DPF3: variants seen among roughly 807,000 people sequenced by gnomAD.
The protein encoded by DPF3 is double PHD fingers 3, also known as zinc finger protein DPF3.
Under a neutral mutation model 56.8 loss-of-function variants are expected in DPF3, and 18 were observed. The ratio of observed to expected loss-of-function variants is 0.32; its 90% CI spans 0.22 to 0.47. The LOEUF (loss-of-function observed/expected upper bound fraction) is 0.47, where lower values mean the gene tolerates loss of function less well. Ranked by LOEUF, DPF3 falls within the 20% of genes least tolerant of loss-of-function variation. The pLI is 1.00. For missense variants in DPF3, 403 were observed against 488.8 expected (o/e 0.82, Z 1.65); for synonymous variants, 188 against 180.2 (o/e 1.04, Z -0.35).
At chr14:72,722,620 G>A (rs1013276307) in intron 5 of DPF3, among the ~76,000 whole-genome samples, 3 of 152,200 alleles carry the variant, frequency 2.0e-5, no homozygotes, top group Non-Finnish European at 2.9e-5. Context: ...GTGCTTATCC[G>A]TGGGAGGGGT....
chr14:72,876,095 G>A (rs1886102115), intron 1 of DPF3, among the ~76,000 whole-genome samples: 1 of 152,258 alleles, frequency 6.6e-6, no homozygotes, highest in South Asian at 2.1e-4. Context: ...GAGGATTAAA[G>A]TACAGAAAGG....
intron 1 of DPF3, among the ~76,000 whole-genome samples, chr14:72,881,170 T>C (rs758959227): frequency 3.9e-5 from 6 of 152,352 alleles, no homozygotes; most frequent in Admixed American, 6.5e-5. Flanking sequence ...AGCAGGATGA[T>C]AGACCTCAAA....
In DPF3 at chr14:72,683,281, C is replaced by T. The variant is rs370920321; in HGVS notation, c.743-8913G>A. On this transcript the variant is annotated intron_variant, in intron 7 of 10. Coordinates refer to ENST00000556509, the MANE Select transcript of DPF3 (RefSeq NM_001280542.3). ...GGTGGAGGTTGCAGTGAGCCGAGAT[C>T]GCACCACTGCACTCCAGCCTGGGTG... Among the ~76,000 whole-genome samples, 26 of 147,732 alleles carry T rather than the reference C, an allele frequency of 1.8e-4. No individual in the cohort carries two copies. The South Asian group carries it at 2.8e-3, about 16-fold the overall frequency.
At chr14:72,668,193 C>A (rs1886518173) in intron 8 of DPF3, among the ~76,000 whole-genome samples, 12 of 152,184 alleles carry the variant, frequency 7.9e-5, no homozygotes, top group Admixed American at 7.9e-4. Context: ...TCATCCGACA[C>A]CTTCTCTCTC....
intron 5 of DPF3, among the ~76,000 whole-genome samples, chr14:72,714,959 T>C (rs1599379297): frequency 1.3e-5 from 2 of 152,196 alleles, no homozygotes; most frequent in African/African-American, 2.4e-5. Flanking sequence ...GCAGACCAGC[T>C]GATGCACGTA....
chr14:72,795,262 C>G (rs1215781257), intron 1 of DPF3, among the ~76,000 whole-genome samples: 1 of 120,916 alleles, frequency 8.3e-6, no homozygotes, highest in African/African-American at 3.1e-5. Context: ...AATATTGAAG[C>G]TGTCCTCTTT....
chr14:72,641,695 T>C (rs1885569875), intron 8 of DPF3, among the ~76,000 whole-genome samples: 2 of 152,184 alleles, frequency 1.3e-5, no homozygotes. Context: ...CAGGCAGCAA[T>C]GTTGGTGGCT....
At chr14:72,748,242 G>C (rs146727609) in intron 3 of DPF3, among the ~76,000 whole-genome samples, 158 of 152,350 alleles carry the variant, frequency 1.0e-3, no homozygotes, top group African/African-American at 3.8e-3. Flanking sequence ...TTGGGAACTA[G>C]AGCAAAGGTG....
At chr14:72,656,478 C>T in intron 8 of DPF3, among the ~76,000 whole-genome samples, 1 of 152,212 alleles carries the variant, frequency 6.6e-6, no homozygotes, top group East Asian at 1.9e-4. Context: ...TGATGCTAAA[C>T]CATTGATGAC....
intron 8 of DPF3, among the ~76,000 whole-genome samples, chr14:72,642,263 C>T (rs543969296): frequency 5.3e-5 from 8 of 152,150 alleles, no homozygotes; most frequent in Admixed American, 1.3e-4. Flanking sequence ...TTTAAGCTGC[C>T]AAGTTGGGGG....
In DPF3 at chr14:72,609,907, C is replaced by T. The variant is rs1477440220; in HGVS notation, c.*9390G>A. 6.6e-6 allele frequency among the ~76,000 whole-genome samples: 1 copy of T among 152,204 alleles called. No individual in the cohort carries two copies. Among genetic ancestry groups the T allele is most frequent in the Non-Finnish European group, 1.5e-5 (1 of 68,028 alleles). ...GTACCAAAGCAGCCCAAGGCAAAAC[C>T]TCATCTGCAAGAGGCAATGCGGCGT... is the stretch of plus-strand genomic sequence containing the variant. On this transcript the variant is annotated 3_prime_UTR_variant, in exon 11 of 11. Coordinates refer to ENST00000556509, the MANE Select transcript of DPF3 (RefSeq NM_001280542.3).
At chr14:72,754,332 C>G (rs2139903966) in intron 2 of DPF3, among the ~76,000 whole-genome samples, 1 of 152,200 alleles carries the variant, frequency 6.6e-6, no homozygotes. Context: ...TCTGATACCC[C>G]CCATAATAAA....
At chr14:72,626,865 C>T (rs1346543701) in intron 9 of DPF3, among the ~76,000 whole-genome samples, 2 of 151,926 alleles carry the variant, frequency 1.3e-5, no homozygotes, top group African/African-American at 2.4e-5. Flanking sequence ...TCAACTTTTG[C>T]CCATCTGATA....
chr14:72,834,852 C>A (rs138192154), intron 1 of DPF3, among the ~76,000 whole-genome samples: 2 of 152,136 alleles, frequency 1.3e-5, no homozygotes, highest in Non-Finnish European at 2.9e-5. Flanking sequence ...ATACAAGGGA[C>A]TATTATTCAG....
intron 1 of DPF3, among the ~76,000 whole-genome samples, chr14:72,801,419 G>A (rs548159852): frequency 6.6e-6 from 1 of 152,322 alleles, no homozygotes; most frequent in Admixed American, 6.5e-5. Flanking sequence ...CTGTCCCTCA[G>A]CCACCTGGCT....
At chr14:72,693,019 TC>T (rs1887756584) in intron 7 of DPF3, 56 bp downstream of exon 7, 9 of 1,605,616 alleles carry the variant, frequency 5.6e-6, no homozygotes, top group Non-Finnish European at 7.7e-6. Flanking sequence ...CAAGGAACGC[TC>T]CCCAGCCTGT....
chr14:72,840,650 C>T (rs1049973599), intron 1 of DPF3, among the ~76,000 whole-genome samples: 1 of 152,152 alleles, frequency 6.6e-6, no homozygotes. Flanking sequence ...CATAATTTGC[C>T]AAAATCCTTT....
intron 7 of DPF3, among the ~76,000 whole-genome samples, chr14:72,674,634 T>A (rs562811351): frequency 1.3e-5 from 2 of 152,328 alleles, no homozygotes; most frequent in African/African-American, 4.8e-5. Flanking sequence ...TCTGATTGCA[T>A]CCTTAGATGA....
At chr14:72,643,999 C>T (rs900985081) in intron 8 of DPF3, among the ~76,000 whole-genome samples, 3 of 152,132 alleles carry the variant, frequency 2.0e-5, no homozygotes, top group Admixed American at 2.0e-4. Context: ...CTCCCGATTT[C>T]CCCAAGTCAT....
Sources: gnomAD v4.1 joint callset for allele counts (sites outside exome capture counted in the v4.1 genomes callset) on GRCh38, gnomAD v4.1.1 for gene constraint, MANE v1.5 for transcripts, NCBI Gene and HGNC (gene_info 2026-07-23, HGNC 2026-07-21) for gene names.